The following TENM1 variants were observed in gnomAD, a reference collection of about 807,000 sequenced individuals.
The protein encoded by TENM1 is teneurin-1.
Under a neutral mutation model 174.8 loss-of-function variants are expected in TENM1, and 35 were observed. The ratio of observed to expected loss-of-function variants is 0.20; its 90% CI spans 0.15 to 0.27. The LOEUF is 0.27. TENM1 is among the 10% of genes least tolerant of loss of function. The pLI is 1.00. For synonymous variants in TENM1, 781 were observed against 798.7 expected, an observed-to-expected ratio of 0.98 and a Z score of 0.37; for missense variants, 1,633 against 2,130.1, an observed-to-expected ratio of 0.77 and a Z score of 4.59.
chrX:125,165,787 T>C, the TENM1 span, among the ~76,000 whole-genome samples: 3 of 111,613 alleles, frequency 2.7e-5, no homozygotes, highest in African/African-American at 6.5e-5. Flanking sequence ...GACTAATAAA[T>C]TAGTCACATT....
intron 11 of TENM1, among the ~76,000 whole-genome samples, chrX:124,574,044 G>A (rs2049112010): frequency 8.9e-6 from 1 of 112,005 alleles, no homozygotes; most frequent in Non-Finnish European, 1.9e-5. Context: ...ACAAAAGAAT[G>A]CTAAAATATA....
the TENM1 span, among the ~76,000 whole-genome samples, chrX:125,155,122 G>A: frequency 4.9e-4 from 55 of 111,174 alleles, no homozygotes; most frequent in Non-Finnish European, 7.9e-4. Context: ...TGATTGGTGC[G>A]TTTAAATAAA....
chrX:124,714,342 T>C (rs2053131078), intron 4 of TENM1, among the ~76,000 whole-genome samples: 1 of 112,160 alleles, frequency 8.9e-6, no homozygotes, highest in South Asian at 3.7e-4. Context: ...AAATGGTGCA[T>C]AATAAACAGC....
the TENM1 span, among the ~76,000 whole-genome samples, chrX:125,063,310 A>G: frequency 8.9e-6 from 1 of 111,986 alleles, no homozygotes; most frequent in Admixed American, 9.5e-5. Flanking sequence ...AATTGCACTA[A>G]CTTGTTATAA....
chrX:125,069,412 A>G, the TENM1 span, among the ~76,000 whole-genome samples: 1 of 111,797 alleles, frequency 8.9e-6, no homozygotes, highest in Non-Finnish European at 1.9e-5. Context: ...GATTTTCTTT[A>G]GGTTGATTCC....
chrX:124,556,710 A>T (rs1227415826), intron 14 of TENM1, among the ~76,000 whole-genome samples: 1 of 111,626 alleles, frequency 9.0e-6, no homozygotes, highest in Non-Finnish European at 1.9e-5. Context: ...TCTTCAGTTA[A>T]CAATGTAAAG....
the TENM1 span, among the ~76,000 whole-genome samples, chrX:125,133,678 G>A: frequency 8.9e-6 from 1 of 111,934 alleles, no homozygotes; most frequent in East Asian, 2.8e-4. Context: ...ACACTATGTA[G>A]AAATAGTATC....
At chrX:124,974,633 C>T in the TENM1 span, among the ~76,000 whole-genome samples, 6 of 109,156 alleles carry the variant, frequency 5.5e-5, no homozygotes, top group Admixed American at 3.0e-4. Context: ...TTATTTTTCT[C>T]ATTATTTTTG....
At chrX:125,025,838 T>C in the TENM1 span, among the ~76,000 whole-genome samples, 1 of 110,870 alleles carries the variant, frequency 9.0e-6, no homozygotes, top group Non-Finnish European at 1.9e-5. Context: ...AACAATTAAA[T>C]TGCAATGGGA....
intron 1 of TENM1, among the ~76,000 whole-genome samples, chrX:124,946,627 G>A (rs776174330): frequency 1.8e-5 from 2 of 111,684 alleles, no homozygotes; most frequent in South Asian, 7.6e-4. Context: ...GGTGTCAAAT[G>A]CTGCTGAAAG....
intron 21 of TENM1, among the ~76,000 whole-genome samples, chrX:124,486,106 T>G (rs1331239888): frequency 8.9e-6 from 1 of 112,071 alleles, no homozygotes; most frequent in Non-Finnish European, 1.9e-5. Flanking sequence ...GATTTCTTTC[T>G]ACTTTCTGAA....
intron 3 of TENM1, among the ~76,000 whole-genome samples, chrX:124,779,799 T>C (rs2054866804): frequency 9.0e-6 from 1 of 111,471 alleles, no homozygotes; most frequent in South Asian, 3.8e-4. Flanking sequence ...AATCTCTAAT[T>C]CTCACAAATA....
intron 25 of TENM1, among the ~76,000 whole-genome samples, chrX:124,416,460 T>A (rs1434218730): frequency 1.8e-5 from 2 of 112,189 alleles, no homozygotes; most frequent in Non-Finnish European, 3.8e-5. Context: ...TTTCATGACA[T>A]GGATATATCA....
rs1472378219 is a variant in TENM1 at position 124,382,650 on chromosome X, G to T, written c.7440+20C>A. The T allele has an allele frequency of 8.3e-7, 1 of 1,197,969 alleles. No individual in the cohort carries two copies. On this transcript the variant is annotated intron_variant, in intron 31 of 31. Transcript: ENST00000422452. ...CTTCTGTTGTTTCAGCTAAAAGGAG[G>T]TGATAAAACTTTTACTAACCTTTCC...
intron 3 of TENM1, among the ~76,000 whole-genome samples, chrX:124,830,329 A>G (rs972506509): frequency 8.9e-6 from 1 of 111,823 alleles, no homozygotes; most frequent in African/African-American, 3.3e-5. Flanking sequence ...AACATTTGAC[A>G]CAGAACAGGG....
chrX:124,561,566 A>T lies in TENM1; in HGVS notation c.2434+105T>A, dbSNP rs746936028. On this transcript the variant is annotated intron_variant, in intron 14 of 31. Coordinates refer to ENST00000422452, the Ensembl canonical transcript of TENM1. ...GCATTACCCTATATAACTCAGTATC[A>T]TTTATACTAGAGATTCCTAATTTTC... 5.3e-4 allele frequency: 493 copies of T among 922,750 alleles called. No homozygotes were observed. In the African/African-American group the frequency reaches 8.5e-3, roughly 16 times the overall value. The allele number at this position is 922,750 out of a possible 1,213,427, so 76.0% of individuals were successfully genotyped here.
chrX:124,625,206 T>A (rs746093940), intron 11 of TENM1, among the ~76,000 whole-genome samples: 1 of 111,685 alleles, frequency 9.0e-6, no homozygotes, highest in Non-Finnish European at 1.9e-5. Context: ...AATGCATTTT[T>A]ATTTTTCTAT....
At chrX:124,950,096 GC>G (rs1054804843) in intron 1 of TENM1, among the ~76,000 whole-genome samples, 1 of 110,699 alleles carries the variant, frequency 9.0e-6, no homozygotes, top group African/African-American at 3.3e-5. Flanking sequence ...GGGAAAGGGG[GC>G]CCAAGGCTTC....
At chrX:125,163,606 A>G in the TENM1 span, among the ~76,000 whole-genome samples, 1 of 111,438 alleles carries the variant, frequency 9.0e-6, no homozygotes, top group African/African-American at 3.3e-5. Flanking sequence ...GGTTTTAACA[A>G]ACACACTGTT....
Sources: allele counts gnomAD v4.1 joint callset (sites outside exome capture counted in the v4.1 genomes callset), GRCh38; gene constraint gnomAD v4.1.1; transcripts MANE v1.5; gene names NCBI Gene and HGNC (gene_info 2026-07-23, HGNC 2026-07-21).